The following CEP112 variants were observed in gnomAD, a reference collection of about 807,000 sequenced individuals.
CEP112 encodes the protein centrosomal protein 112, also known as centrosomal protein of 112 kDa.
Under a neutral mutation model 153.0 loss-of-function variants are expected in CEP112, and 127 were observed. The ratio of observed to expected loss-of-function variants is 0.83; its 90% CI spans 0.72 to 0.96. CEP112 has a LOEUF of 0.96. Among genes scored for constraint, CEP112 ranks in the 40% least tolerant of loss-of-function variants. The pLI, the probability that CEP112 is intolerant of heterozygous loss-of-function variation, is 0.00. For missense variants in CEP112, 1,089 were observed against 1,101.2 expected (o/e 0.99, Z 0.16); for synonymous variants, 358 against 374.4 (o/e 0.96, Z 0.51).
At chr17:65,936,164 T>C (rs2061299131) in intron 18 of CEP112, among the ~76,000 whole-genome samples, 1 of 152,060 alleles carries the variant, frequency 6.6e-6, no homozygotes, top group South Asian at 2.1e-4. Flanking sequence ...TTCCTACACA[T>C]ATAGAACCTA....
At chr17:66,186,020 CTCAT>C (rs2072917354) in intron 1 of CEP112, among the ~76,000 whole-genome samples, 1 of 151,584 alleles carries the variant, frequency 6.6e-6, no homozygotes, top group Non-Finnish European at 1.5e-5. Context: ...CATAATCTCT[CTCAT>C]TCTCTCTCTC....
chr17:65,966,735 C>G (rs1167226720), intron 17 of CEP112, among the ~76,000 whole-genome samples: 1 of 152,200 alleles, frequency 6.6e-6, no homozygotes, highest in East Asian at 1.9e-4. Flanking sequence ...CTGCTTTGGC[C>G]TCTTCTTCAC....
In CEP112 at chr17:66,029,922, T is replaced by A. The variant is rs753939234; in HGVS notation, c.1320A>T (p.Glu440Asp). 6.2e-7 allele frequency: 1 copy of A among 1,613,692 alleles called. No individual in the cohort carries two copies. The highest frequency in any genetic ancestry group is 2.2e-5 in the East Asian group (1 of 44,868). Residue 440 changes from glutamate to aspartate, a missense_variant, in exon 13 of 27, where the codon GAA becomes GAT. Transcript: ENST00000535342. ...QRQKLIQEKA[E>D]LERCYQITCS... Reference sequence around the variant, plus strand: ...ACGTTATCTGGTAACATCTTTCAAGTTCTGCTTTTTCTTGAATTAATTTCT... The same window carrying A: ...ACGTTATCTGGTAACATCTTTCAAGATCTGCTTTTTCTTGAATTAATTTCT...
rs186648517 is a variant in CEP112 at position 65,760,574 on chromosome 17, G to A, written c.2395-9850C>T. Among the ~76,000 whole-genome samples, 142 of 152,186 alleles carry A rather than the reference G, an allele frequency of 9.3e-4. 1 individual carries two copies. Among genetic ancestry groups the A allele is most frequent in the Admixed American group, 1.9e-3 (29 of 15,272 alleles). On this transcript the variant is annotated intron_variant, in intron 21 of 26. Transcript: ENST00000535342. ...TCGCTGATTTTCAAATGTTGAGACAGCCCTGCATAACTGGGATACATTCCA... is the reference window on the plus strand; with the variant it reads ...TCGCTGATTTTCAAATGTTGAGACAACCCTGCATAACTGGGATACATTCCA...
intron 21 of CEP112, among the ~76,000 whole-genome samples, chr17:65,813,702 C>T (rs1239191299): frequency 6.6e-6 from 1 of 152,146 alleles, no homozygotes; most frequent in Non-Finnish European, 1.5e-5. Context: ...CGTGAAAGTG[C>T]TTTACACATG....
At position 65,635,875 on chromosome 17, in the gene CEP112, C is replaced by T; in HGVS notation, c.*96G>A. ...ACATTTAAGGATTTAAAAAATGCCA[C>T]TGATCTCACAGTTTACAATATCCAA... On this transcript the variant is annotated 3_prime_UTR_variant, in exon 27 of 27. Coordinates refer to ENST00000535342, the MANE Select transcript of CEP112 (RefSeq NM_001199165.4). 1 of 1,291,298 alleles carries T rather than the reference C, an allele frequency of 7.7e-7. No homozygotes were observed. Among genetic ancestry groups the T allele is most frequent in the Non-Finnish European group, 1.1e-6 (1 of 918,568 alleles). 80.0% of individuals were successfully genotyped at this position (1,291,298 alleles called of 1,614,324 possible). A position where few individuals can be genotyped will look rare whatever the true frequency, so the allele number is the denominator to read the frequency against.
chr17:65,955,061 A>G lies in CEP112; in HGVS notation c.1872+6402T>C, dbSNP rs183595492. 8.7e-4 allele frequency among the ~76,000 whole-genome samples: 132 copies of G among 152,336 alleles called. 3 individuals are homozygous for G. The South Asian group carries it at 8.9e-3, about 10-fold the overall frequency. Reference sequence around the variant, plus strand: ...AAGATCATCGCCTAGGCACATAGTCATCACGTTATCTAAAGTCAAGACAAA... The same window carrying G: ...AAGATCATCGCCTAGGCACATAGTCGTCACGTTATCTAAAGTCAAGACAAA... On this transcript the variant is annotated intron_variant, in intron 18 of 26. Coordinates refer to ENST00000535342, the MANE Select transcript of CEP112 (RefSeq NM_001199165.4).
intron 6 of CEP112, among the ~76,000 whole-genome samples, chr17:66,110,515 A>G (rs1249406512): frequency 6.6e-6 from 1 of 152,114 alleles, no homozygotes; most frequent in Non-Finnish European, 1.5e-5. Flanking sequence ...TGTTCAATAA[A>G]TAGAAGAATA....
intron 20 of CEP112, among the ~76,000 whole-genome samples, chr17:65,865,354 T>C (rs1202227741): frequency 6.6e-6 from 1 of 152,142 alleles, no homozygotes; most frequent in East Asian, 1.9e-4. Flanking sequence ...GAAGGACTGT[T>C]GCAGTTGGTG....
chr17:65,885,978 T>G (rs938283237), intron 20 of CEP112, among the ~76,000 whole-genome samples: 16 of 152,242 alleles, frequency 1.1e-4, no homozygotes, highest in African/African-American at 3.6e-4. Flanking sequence ...CCTATATATA[T>G]GAATTGCTTT....
chr17:65,990,661 C>A (rs1005120852), intron 17 of CEP112, among the ~76,000 whole-genome samples: 3 of 152,246 alleles, frequency 2.0e-5, no homozygotes, highest in Admixed American at 6.5e-5. Flanking sequence ...CCACCACAAG[C>A]TGGAGTGCTC....
intron 24 of CEP112, among the ~76,000 whole-genome samples, chr17:65,649,077 C>CAA (rs1567808320): frequency 0.023 from 2,193 of 95,570 alleles, 26 homozygotes; most frequent in African/African-American, 0.044. Flanking sequence ...CAAACAAACA[C>CAA]ACACACACAC....
At chr17:66,056,809 G>A (rs763447108) in intron 11 of CEP112, among the ~76,000 whole-genome samples, 2 of 152,048 alleles carry the variant, frequency 1.3e-5, no homozygotes, top group South Asian at 2.1e-4. Flanking sequence ...ATTATATTGT[G>A]GTGGAAGTTG....
intron 21 of CEP112, among the ~76,000 whole-genome samples, chr17:65,783,937 G>T (rs1349429627): frequency 6.6e-6 from 1 of 152,240 alleles, no homozygotes; most frequent in Non-Finnish European, 1.5e-5. Flanking sequence ...AACCTGGGTG[G>T]TGTGACCATG....
At chr17:65,794,011 C>T (rs1053105351) in intron 21 of CEP112, among the ~76,000 whole-genome samples, 6 of 152,194 alleles carry the variant, frequency 3.9e-5, no homozygotes, top group South Asian at 2.1e-4. Context: ...CAGATATTCT[C>T]TTTCCACTGA....
intron 2 of CEP112, among the ~76,000 whole-genome samples, chr17:66,181,321 T>C (rs2072710179): frequency 6.6e-6 from 1 of 152,200 alleles, no homozygotes; most frequent in Non-Finnish European, 1.5e-5. Flanking sequence ...AATCAAAGAT[T>C]ATAATTAATG....
chr17:66,077,657 A>G (rs1230003627), intron 8 of CEP112, among the ~76,000 whole-genome samples: 1 of 152,240 alleles, frequency 6.6e-6, no homozygotes, highest in Non-Finnish European at 1.5e-5. Flanking sequence ...AATTGAGGAA[A>G]ACTTCCCTGG....
chr17:65,935,321 G>A (rs2061268565), intron 18 of CEP112, among the ~76,000 whole-genome samples: 1 of 152,066 alleles, frequency 6.6e-6, no homozygotes, highest in South Asian at 2.1e-4. Context: ...TACAATAACA[G>A]GAGAGAACTT....
chr17:66,185,194 A>C (rs542808385), intron 1 of CEP112, among the ~76,000 whole-genome samples: 3 of 150,224 alleles, frequency 2.0e-5, no homozygotes, highest in Non-Finnish European at 4.5e-5. Flanking sequence ...ACTATATGCC[A>C]AAAAAAGTGC....
Sources: allele counts gnomAD v4.1 joint callset (sites outside exome capture counted in the v4.1 genomes callset), GRCh38; gene constraint gnomAD v4.1.1; transcripts MANE v1.5; gene names NCBI Gene and HGNC (gene_info 2026-07-23, HGNC 2026-07-21).